Variants in RAPGEF1 observed in about 807,000 individuals in gnomAD.
The protein encoded by RAPGEF1 is Rap guanine nucleotide exchange factor 1, also known as CRK SH3-binding GNRP.
In RAPGEF1, 33 loss-of-function variants were observed where a neutral mutation model predicts 143.3. That is an observed-to-expected ratio of 0.23 (90% CI 0.17 to 0.31). The LOEUF (loss-of-function observed/expected upper bound fraction) is 0.31. Among genes scored for constraint, RAPGEF1 ranks in the 10% least tolerant of loss-of-function variants. The pLI, the probability that RAPGEF1 is intolerant of heterozygous loss-of-function variation, is 1.00. For missense variants in RAPGEF1, 1,199 were observed against 1,645.4 expected (o/e 0.73, Z 4.69); for synonymous variants, 629 against 676.5 (o/e 0.93, Z 1.09).
intron 5 of RAPGEF1, among the ~76,000 whole-genome samples, chr9:131,634,326 G>A (rs1183578332): frequency 2.0e-5 from 3 of 152,152 alleles, no homozygotes; most frequent in Non-Finnish European, 4.4e-5. Context: ...ACTGGTCACT[G>A]AAAATCAGTT....
chr9:131,704,628 A>G (rs1240707208), intron 1 of RAPGEF1, among the ~76,000 whole-genome samples: 1 of 152,170 alleles, frequency 6.6e-6, no homozygotes, highest in African/African-American at 2.4e-5. Context: ...TAACAATTCA[A>G]TTTGCAATTA....
chr9:131,658,594 C>T (rs1973149906), intron 1 of RAPGEF1, among the ~76,000 whole-genome samples: 1 of 152,198 alleles, frequency 6.6e-6, no homozygotes, highest in South Asian at 2.1e-4. Context: ...ACAGCAGCCA[C>T]TTTCTTGGGC....
intron 1 of RAPGEF1, among the ~76,000 whole-genome samples, chr9:131,711,738 G>T (rs1366141308): frequency 6.6e-6 from 1 of 152,186 alleles, no homozygotes; most frequent in Non-Finnish European, 1.5e-5. Flanking sequence ...TTAGTCAAAA[G>T]CACCAAAGTA....
intron 13 of RAPGEF1, 74 bp from the exon 14 acceptor site, chr9:131,604,127 T>C (rs895952741): frequency 9.7e-5 from 87 of 893,794 alleles, no homozygotes; most frequent in Non-Finnish European, 8.0e-5. Flanking sequence ...GGCCAGGGGA[T>C]GCCACAGCCT....
rs995280630 is a variant in RAPGEF1, at chr9:131,583,410, C to G, written c.3415-708G>C. Reference sequence around the variant, plus strand: ...AAGACCCTGGGTGGCCTGGCTGACACCCGGGTCTCTGACATGACCCCTGGG... The same window carrying G: ...AAGACCCTGGGTGGCCTGGCTGACAGCCGGGTCTCTGACATGACCCCTGGG... On this transcript the variant is annotated intron_variant, in intron 24 of 26. Transcript: ENST00000683357. This position sits in a 1 kb window ranked among gnomAD's most constrained non-coding sequence, Gnocchi z 4.7. Among the ~76,000 whole-genome samples, 2 of 152,040 alleles carry G rather than the reference C, an allele frequency of 1.3e-5. No homozygotes were observed. The highest frequency in any genetic ancestry group is 2.9e-5 in the Non-Finnish European group (2 of 67,986).
rs1461464781 is a variant in RAPGEF1 at position 131,583,194 on chromosome 9, G to A, written c.3415-492C>T. Among the ~76,000 whole-genome samples, 1 of 152,098 alleles carries A rather than the reference G, an allele frequency of 6.6e-6. No individual in the cohort carries two copies. The highest frequency in any genetic ancestry group is 2.4e-5 in the African/African-American group (1 of 41,432). On this transcript the variant is annotated intron_variant, in intron 24 of 26. Coordinates refer to ENST00000683357, the MANE Select transcript of RAPGEF1 (RefSeq NM_001377935.1). This position sits in a 1 kb window ranked among gnomAD's most constrained non-coding sequence, Gnocchi z 4.7. ...TGGGTGGCTTCTCTCCTGCAGGGGT[G>A]GGGGGCTCCCACCTAGGAGACTCAG... is the stretch of plus-strand genomic sequence containing the variant.
chr9:131,672,027 G>GCT (rs1278673318), intron 1 of RAPGEF1, among the ~76,000 whole-genome samples: 8 of 152,162 alleles, frequency 5.3e-5, no homozygotes, highest in Non-Finnish European at 7.3e-5. Context: ...CCCCCTCACT[G>GCT]GGCCAATAGG....
intron 1 of RAPGEF1, among the ~76,000 whole-genome samples, chr9:131,736,026 A>G (rs1837391414): frequency 1.3e-5 from 2 of 152,142 alleles, no homozygotes; most frequent in African/African-American, 2.4e-5. Context: ...TCCTCGCTCA[A>G]TGTCTTTATT....
intron 1 of RAPGEF1, among the ~76,000 whole-genome samples, chr9:131,682,642 AT>A (rs1833011631): frequency 6.6e-6 from 1 of 152,232 alleles, no homozygotes; most frequent in African/African-American, 2.4e-5. Flanking sequence ...AGGAGAGTGC[AT>A]AGCACAGCTC....
chr9:131,589,744 C>G, intron 19 of RAPGEF1, 142 bp downstream of exon 19: 1 of 738,588 alleles, frequency 1.4e-6, no homozygotes, highest in Non-Finnish European at 2.3e-6. Context: ...CCTGGTCTAT[C>G]GGGCACAGGC....
intron 3 of RAPGEF1, among the ~76,000 whole-genome samples, chr9:131,646,175 T>C (rs1341889517): frequency 1.3e-5 from 2 of 152,154 alleles, no homozygotes; most frequent in Non-Finnish European, 2.9e-5. Flanking sequence ...AACCACCCTG[T>C]GAAGTGGATA....
At chr9:131,714,850 C>A (rs552125677) in intron 1 of RAPGEF1, among the ~76,000 whole-genome samples, 2 of 151,926 alleles carry the variant, frequency 1.3e-5, no homozygotes, top group African/African-American at 2.4e-5. Flanking sequence ...TGGGACTATA[C>A]GCACTTGCCA....
At chr9:131,597,072 G>C (rs1955427258) in intron 16 of RAPGEF1, among the ~76,000 whole-genome samples, 1 of 152,212 alleles carries the variant, frequency 6.6e-6, no homozygotes, top group Admixed American at 6.5e-5. Context: ...GCTGTGACTA[G>C]GGCCAGGAAC....
At chr9:131,582,824 G>A (rs1952077912) in intron 24 of RAPGEF1, 122 bp from the exon 25 acceptor site, 3 of 763,960 alleles carry the variant, frequency 3.9e-6, no homozygotes, top group South Asian at 1.8e-5. Flanking sequence ...AACTCCACAG[G>A]TCCCACTACG....
chr9:131,666,678 C>A (rs952139951), intron 1 of RAPGEF1, among the ~76,000 whole-genome samples: 2 of 152,128 alleles, frequency 1.3e-5, no homozygotes, highest in Admixed American at 6.5e-5. Flanking sequence ...AGTCCCTGTG[C>A]CCAGTCTTAA....
At position 131,605,183 on chromosome 9, in the gene RAPGEF1, C is replaced by CT. The variant is rs1490285054; in HGVS notation, c.2066dup (p.Ser690ValfsTer4). On this transcript the variant is annotated frameshift_variant, in exon 13 of 27. Transcript: ENST00000683357. LOFTEE classifies it high-confidence loss of function. ...CCTGGGAGTAGGACCTAAACACAGACTTATACTACAGAATCCAGGTGGAGA... is the reference window on the plus strand; with the variant it reads ...CCTGGGAGTAGGACCTAAACACAGACTTTATACTACAGAATCCAGGTGGAGA... 1 of 1,339,064 alleles carries CT rather than the reference C, an allele frequency of 7.5e-7. No individual in the cohort carries two copies. The highest frequency in any genetic ancestry group is 4.7e-5 in the East Asian group (1 of 21,202). 82.9% of individuals were successfully genotyped at this position (1,339,064 alleles called of 1,614,324 possible).
chr9:131,660,004 G>A (rs2133618412), intron 1 of RAPGEF1, among the ~76,000 whole-genome samples: 1 of 152,252 alleles, frequency 6.6e-6, no homozygotes, highest in South Asian at 2.1e-4. Flanking sequence ...ATTTTCAGTA[G>A]AGACGGGGTT....
intron 15 of RAPGEF1, 149 bp from the exon 16 acceptor site, chr9:131,598,459 T>C: frequency 1.4e-6 from 1 of 714,370 alleles, no homozygotes; most frequent in Non-Finnish European, 2.5e-6. Context: ...GACTGGATCC[T>C]CAGCTCTGCT....
chr9:131,651,210 C>T (rs1970999595), intron 1 of RAPGEF1, among the ~76,000 whole-genome samples: 1 of 152,184 alleles, frequency 6.6e-6, no homozygotes, highest in South Asian at 2.1e-4. Context: ...TCCCAAGTGT[C>T]CTTACAGAGT....
Sources: allele counts gnomAD v4.1 joint callset (sites outside exome capture counted in the v4.1 genomes callset), GRCh38; gene constraint gnomAD v4.1.1; non-coding constraint Gnocchi (gnomAD v3.1); transcripts MANE v1.5; gene names NCBI Gene and HGNC (gene_info 2026-07-23, HGNC 2026-07-21).